Variants in TMTC1 observed in about 807,000 individuals in gnomAD.
TMTC1 encodes the protein protein O-mannosyl-transferase TMTC1.
Under a neutral mutation model 104.8 loss-of-function variants are expected in TMTC1, and 73 were observed. The observed-to-expected ratio is 0.70, with a 90% CI of 0.58 to 0.85. The LOEUF (loss-of-function observed/expected upper bound fraction) is 0.85, where lower values mean the gene tolerates loss of function less well. Among genes scored for constraint, TMTC1 ranks in the 40% least tolerant of loss-of-function variants. The probability of loss-of-function intolerance (pLI) is 0.00; values close to 1 mark genes in which losing one functional copy is unlikely to be tolerated. For synonymous variants in TMTC1, 434 were observed against 428.7 expected (o/e 1.01, Z -0.15); for missense variants, 1,035 against 1,096.1 (o/e 0.94, Z 0.79).
chr12:29,649,021 C>A (rs901778059), intron 5 of TMTC1, among the ~76,000 whole-genome samples: 12 of 152,116 alleles, frequency 7.9e-5, no homozygotes, highest in Non-Finnish European at 1.3e-4. Context: ...GCCCATCCAT[C>A]CTCCACCTCT....
intron 5 of TMTC1, among the ~76,000 whole-genome samples, chr12:29,662,443 A>G (rs1474193869): frequency 3.3e-5 from 5 of 152,072 alleles, no homozygotes; most frequent in African/African-American, 4.8e-5. Context: ...CGAGGTCAGG[A>G]GTTCGAGACC....
chr12:29,557,225 T>C (rs1945269136), intron 9 of TMTC1, among the ~76,000 whole-genome samples: 1 of 152,212 alleles, frequency 6.6e-6, no homozygotes. Flanking sequence ...TCTTAAATAG[T>C]ACAAGAATAA....
intron 6 of TMTC1, among the ~76,000 whole-genome samples, chr12:29,630,481 G>C (rs551369629): frequency 7.4e-4 from 112 of 152,222 alleles, no homozygotes; most frequent in Non-Finnish European, 1.3e-3. Flanking sequence ...ATGACATGTG[G>C]GGATTATGGG....
intron 10 of TMTC1, among the ~76,000 whole-genome samples, chr12:29,553,866 T>C (rs979336711): frequency 1.6e-4 from 24 of 152,160 alleles, no homozygotes; most frequent in Non-Finnish European, 3.2e-4. Flanking sequence ...ATGAAACTTA[T>C]AAGAATATCT....
intron 6 of TMTC1, among the ~76,000 whole-genome samples, chr12:29,615,460 C>T (rs1489833557): frequency 6.6e-6 from 1 of 152,064 alleles, no homozygotes; most frequent in African/African-American, 2.4e-5. Flanking sequence ...TTAACTTATT[C>T]CAGTTAAAAG....
intron 5 of TMTC1, among the ~76,000 whole-genome samples, chr12:29,634,205 CT>C (rs1006095576): frequency 4.0e-5 from 6 of 151,736 alleles, no homozygotes; most frequent in African/African-American, 1.2e-4. Context: ...CCCCAACCTC[CT>C]TTTTTTTTAA....
intron 1 of TMTC1, among the ~76,000 whole-genome samples, chr12:29,775,976 C>T (rs1451513187): frequency 6.6e-6 from 1 of 152,116 alleles, no homozygotes; most frequent in Non-Finnish European, 1.5e-5. Context: ...GAAGTTTCCT[C>T]CCAAGAATCC....
At chr12:29,629,065 A>T (rs1344549139) in intron 6 of TMTC1, among the ~76,000 whole-genome samples, 1 of 151,514 alleles carries the variant, frequency 6.6e-6, no homozygotes, top group Non-Finnish European at 1.5e-5. Flanking sequence ...CACATCTGTA[A>T]TCCCAGCACT....
intron 11 of TMTC1, among the ~76,000 whole-genome samples, chr12:29,532,064 A>T (rs1269859376): frequency 1.3e-5 from 2 of 152,176 alleles, no homozygotes; most frequent in Non-Finnish European, 2.9e-5. Flanking sequence ...AGGTTAAAAA[A>T]ATTCTTCAGG....
chr12:29,590,636 T>G (rs913119257), intron 7 of TMTC1, among the ~76,000 whole-genome samples: 4 of 151,984 alleles, frequency 2.6e-5, no homozygotes, highest in African/African-American at 9.7e-5. Context: ...AATACCAAAA[T>G]TAGCTGGGCG....
chr12:29,781,371 C>G (rs1565832760), intron 1 of TMTC1, among the ~76,000 whole-genome samples: 2 of 152,106 alleles, frequency 1.3e-5, no homozygotes, highest in East Asian at 3.9e-4. Flanking sequence ...CAATGATTAC[C>G]ACAAGAGTCC....
chr12:29,705,302 A>G (rs141390774), intron 5 of TMTC1, among the ~76,000 whole-genome samples: 4 of 152,356 alleles, frequency 2.6e-5, no homozygotes, highest in African/African-American at 9.6e-5. Context: ...AGACTAGAAT[A>G]TGCTACTCCA....
At chr12:29,658,092 CAAAA>C (rs949837644) in intron 5 of TMTC1, among the ~76,000 whole-genome samples, 1 of 151,340 alleles carries the variant, frequency 6.6e-6, no homozygotes, top group African/African-American at 2.4e-5. Flanking sequence ...GACTCCATGT[CAAAA>C]AAACAAAAAC....
chr12:29,580,241 T>C (rs747599138), intron 8 of TMTC1, among the ~76,000 whole-genome samples: 17 of 151,948 alleles, frequency 1.1e-4, no homozygotes, highest in Non-Finnish European at 2.1e-4. Flanking sequence ...ATCGCTTGAG[T>C]CTGAGAGGTC....
At position 29,607,938 on chromosome 12, in the gene TMTC1, T is replaced by C. The variant is rs1481704146; in HGVS notation, c.1129-3639A>G. Among the ~76,000 whole-genome samples the C allele has an allele frequency of 2.0e-5, 3 of 152,170 alleles. No homozygotes were observed. In the East Asian group the frequency reaches 5.8e-4, roughly 29 times the overall value. ...AATCTTGTGGGGTGTTTTCCTTTGT[T>C]TTTAAAACAGGAAATGGAAGACAGT... On this transcript the variant is annotated intron_variant, in intron 6 of 17. Transcript: ENST00000539277.
Position 29,767,971 on chromosome 12 carries a change from G to T in TMTC1, c.407C>A (p.Thr136Asn). ...AGCAAGTCCACGATTCTTGAAGACA[G>T]TTTTATCACAGGTGTACATCAGCAC... The part of the protein sequence containing the change: ...TLVLMYTCDK[T>N]VFKNRGLAFV... Residue 136 changes from threonine (T) to asparagine (N), a missense_variant, in exon 2 of 18, where the codon ACT becomes AAT. By Grantham distance (65) the Thr-to-Asn change is moderately conservative. Transcript: ENST00000539277. 2 of 1,613,894 alleles carry T rather than the reference G, an allele frequency of 1.2e-6. No individual in the cohort carries two copies. The highest frequency in any genetic ancestry group is 1.7e-6 in the Non-Finnish European group (2 of 1,179,888).
intron 5 of TMTC1, among the ~76,000 whole-genome samples, chr12:29,716,632 A>G (rs1447316552): frequency 6.6e-6 from 1 of 152,172 alleles, no homozygotes; most frequent in Non-Finnish European, 1.5e-5. Context: ...GTGACTAATG[A>G]AAACATAAAA....
At chr12:29,559,550 A>G (rs1183912723) in intron 9 of TMTC1, among the ~76,000 whole-genome samples, 3 of 152,236 alleles carry the variant, frequency 2.0e-5, no homozygotes, top group African/African-American at 4.8e-5. Flanking sequence ...GCGCTATAAG[A>G]GAAAAGGCCT....
At chr12:29,773,247 G>T (rs757737574) in intron 1 of TMTC1, among the ~76,000 whole-genome samples, 7 of 152,098 alleles carry the variant, frequency 4.6e-5, no homozygotes, top group African/African-American at 1.7e-4. Context: ...CCCTTCCCAG[G>T]AAAGGGTATG....
Sources: gnomAD v4.1 joint callset for allele counts (sites outside exome capture counted in the v4.1 genomes callset) on GRCh38, gnomAD v4.1.1 for gene constraint, MANE v1.5 for transcripts, NCBI Gene and HGNC (gene_info 2026-07-23, HGNC 2026-07-21) for gene names.